The following SUPT20H variants were observed in gnomAD, a reference collection of about 807,000 sequenced individuals.
The protein encoded by SUPT20H is transcription factor SPT20 homolog.
SUPT20H carries 82 observed loss-of-function variants against 122.8 expected under a neutral mutation model. The ratio of observed to expected loss-of-function variants is 0.67; its 90% CI spans 0.56 to 0.80. The LOEUF (loss-of-function observed/expected upper bound fraction) is 0.80, where lower values mean the gene tolerates loss of function less well. Among genes scored for constraint, SUPT20H ranks in the 30% least tolerant of loss-of-function variants. The pLI is 0.00. For synonymous variants in SUPT20H, 291 were observed against 313.0 expected (o/e 0.93, Z 0.74); for missense variants, 831 against 921.6 (o/e 0.90, Z 1.27).
chr13:37,056,820 T>A (rs2139511604), intron 1 of SUPT20H: 1 of 152,118 alleles, frequency 6.6e-6, no homozygotes, highest in East Asian at 1.9e-4. Flanking sequence ...GGAGTTCTTA[T>A]CCTGGCTGCA....
At chr13:37,059,128 C>G (rs2070013454) in intron 1 of SUPT20H, 2 of 152,240 alleles carry the variant, frequency 1.3e-5, no homozygotes, top group South Asian at 4.1e-4. Flanking sequence ...GCTATCAATT[C>G]TACTGATTTC....
At chr13:37,026,557 T>C (rs1290830651) in intron 15 of SUPT20H, among the ~76,000 whole-genome samples, 3 of 152,118 alleles carry the variant, frequency 2.0e-5, no homozygotes, top group Non-Finnish European at 4.4e-5. Context: ...CTATTGATCC[T>C]AAAGCAAAAT....
chr13:37,048,437 T>G, intron 3 of SUPT20H, 127 bp downstream of exon 3: 3 of 662,044 alleles, frequency 4.5e-6, no homozygotes, highest in Non-Finnish European at 7.2e-6. Context: ...TACAGCAAAA[T>G]GATATGCATA....
chr13:37,024,154 T>A lies in SUPT20H; in HGVS notation c.1472A>T (p.Lys491Ile). 4.3e-6 allele frequency: 7 copies of A among 1,613,644 alleles called. No individual in the cohort carries two copies. The African/African-American group carries it at 8.0e-5, about 18-fold the overall frequency. Residue 491 changes from lysine (K) to isoleucine (I), a missense_variant, in exon 19 of 26, where the codon AAA (lysine) becomes ATA (isoleucine). Coordinates refer to ENST00000350612, the MANE Select transcript of SUPT20H (RefSeq NM_001014286.3). ...AGAAGAAGGAGGAGGAGTTGGAGAT[T>A]TGAGAAAGCTGCTTGTCTGTTGTGG... ...FTPQQTSSFLKSPTPPPSSKP... is the reference protein window; with the variant it reads ...FTPQQTSSFLISPTPPPSSKP...
chr13:37,012,332 A>C (rs576879154), intron 23 of SUPT20H, 35 bp from the exon 24 acceptor site: 1 of 1,552,592 alleles, frequency 6.4e-7, no homozygotes, highest in Admixed American at 1.8e-5. Context: ...TTGTACAAGA[A>C]AGAAAAACAA....
Position 37,051,526 on chromosome 13 carries a change from CTT to C in SUPT20H, c.-38_-37del. On this transcript the variant is annotated 5_prime_UTR_variant, in exon 2 of 26. The change creates a new upstream start codon in the 5' untranslated region. Coordinates refer to ENST00000350612, the MANE Select transcript of SUPT20H (RefSeq NM_001014286.3). The stretch of plus-strand genomic sequence containing the variant: ...AATAAGGGTCCAAAAGAAGAGATAA[CTT>C]ATGTACGCTGATGAAGTGGGGTGAA... 1.9e-6 allele frequency: 3 copies of C among 1,607,382 alleles called. No individual in the cohort carries two copies. Among genetic ancestry groups the C allele is most frequent in the Non-Finnish European group, 2.6e-6 (3 of 1,175,516 alleles).
chr13:37,034,709 T>C (rs1394866627), intron 9 of SUPT20H, among the ~76,000 whole-genome samples: 1 of 152,220 alleles, frequency 6.6e-6, no homozygotes, highest in African/African-American at 2.4e-5. Context: ...GACAGCCTTA[T>C]ATTAGAAGAA....
At chr13:37,041,517 CAA>C (rs1320349837) in intron 7 of SUPT20H, among the ~76,000 whole-genome samples, 29 of 85,344 alleles carry the variant, frequency 3.4e-4, no homozygotes, top group Admixed American at 7.8e-4. Context: ...GACTCCACCT[CAA>C]AAAAAAAAAA....
chr13:37,018,183 C>A (rs898925670), intron 22 of SUPT20H, among the ~76,000 whole-genome samples: 1 of 152,082 alleles, frequency 6.6e-6, no homozygotes, highest in African/African-American at 2.4e-5. Flanking sequence ...CACAGCTCAT[C>A]ATTAGGTAAA....
chr13:37,054,941 G>C (rs376793070), intron 1 of SUPT20H, among the ~76,000 whole-genome samples: 1 of 152,106 alleles, frequency 6.6e-6, no homozygotes, highest in Admixed American at 6.6e-5. Context: ...AAATCAATGT[G>C]CAAAAATCAC....
chr13:37,042,133 G>A (rs1352663242), intron 7 of SUPT20H, among the ~76,000 whole-genome samples: 1 of 152,196 alleles, frequency 6.6e-6, no homozygotes, highest in Non-Finnish European at 1.5e-5. Context: ...GTTTTGTTCA[G>A]AGCACTGGGC....
chr13:37,033,481 G>A lies in SUPT20H; in HGVS notation c.675C>T (p.Asn225=). The A allele has an allele frequency of 6.2e-7, 1 of 1,612,660 alleles. No individual in the cohort carries two copies. Among genetic ancestry groups the A allele is most frequent in the Non-Finnish European group, 8.5e-7 (1 of 1,179,414 alleles). The change falls in exon 10 of 26, where the codon AAC becomes AAT. Residue 225 remains asparagine (N), a synonymous_variant. Coordinates refer to ENST00000350612, the MANE Select transcript of SUPT20H (RefSeq NM_001014286.3). ...VTCTANRLLY[N]KQKMNTRPMK... ...TTGGGCGAGTGTTCATCTTTTGCTT[G>A]TTATAGAGCAGTCTGTTTGCAGTGC...
chr13:37,011,821 G>A (rs1397779804), intron 24 of SUPT20H, among the ~76,000 whole-genome samples: 1 of 152,166 alleles, frequency 6.6e-6, no homozygotes, highest in Admixed American at 6.5e-5. Context: ...TTACCAGAAC[G>A]AGACAAAAGA....
Position 37,048,584 on chromosome 13 carries a change from G to C in SUPT20H, c.19C>G (p.Leu7Val). The C allele has an allele frequency of 1.3e-6, 2 of 1,599,388 alleles. No individual in the cohort carries two copies. The highest frequency in any genetic ancestry group is 1.7e-6 in the Non-Finnish European group (2 of 1,173,830). MQQALE[L>V]ALDRAEYVIE... ...CTCACCTCTGCACGATCCAAAGCTA[G>C]TTCTAAAGCTTGTTGCTGTAAAAAG... is the stretch of plus-strand genomic sequence containing the variant. The change falls in exon 3 of 26, where the codon CTA becomes GTA. Residue 7 changes from leucine (L) to valine (V), a missense_variant. Coordinates refer to ENST00000350612, the MANE Select transcript of SUPT20H (RefSeq NM_001014286.3).
rs373831777 is a variant in SUPT20H, at chr13:37,044,314, T to A, written c.293-133A>T. On this transcript the variant is annotated intron_variant, in intron 6 of 25. Coordinates refer to ENST00000350612, the MANE Select transcript of SUPT20H (RefSeq NM_001014286.3). ...TCAACCAAGCAAGGATCAAAAAAAA[T>A]AAAAATAAAAAACAAAACCAAAAGG... 1.6e-5 allele frequency: 9 copies of A among 568,610 alleles called. No individual in the cohort carries two copies. The highest frequency in any genetic ancestry group is 2.0e-5 in the African/African-American group (1 of 49,700). 35.2% of individuals were successfully genotyped at this position (568,610 alleles called of 1,614,324 possible).
At chr13:37,023,932 T>C in intron 19 of SUPT20H, 103 bp downstream of exon 19, 2 of 1,242,314 alleles carry the variant, frequency 1.6e-6, no homozygotes, top group Non-Finnish European at 2.2e-6. Flanking sequence ...GGGTACACAG[T>C]ACATTCAGAT....
intron 6 of SUPT20H, 34 bp from the exon 7 acceptor site, chr13:37,044,215 T>C (rs747079072): frequency 1.3e-5 from 20 of 1,536,934 alleles, no homozygotes; most frequent in Non-Finnish European, 1.7e-5. Flanking sequence ...AAAATGATCA[T>C]GCTCACTGAA....
intron 9 of SUPT20H, chr13:37,040,066 A>G (rs2138581485): frequency 8.0e-6 from 1 of 125,192 alleles, no homozygotes; most frequent in Middle Eastern, 3.3e-3. Flanking sequence ...TAGGGTTTAG[A>G]AACTTGAATT....
Position 37,019,289 on chromosome 13 carries a change from GA to G in SUPT20H, c.1872+52del, listed in dbSNP as rs36064810. The G allele has an allele frequency of 2.0e-3, 2,808 of 1,399,310 alleles. 34 individuals carry two copies. The African/African-American group carries it at 0.036, about 18-fold the overall frequency. 86.7% of individuals were successfully genotyped at this position (1,399,310 alleles called of 1,614,324 possible). On this transcript the variant is annotated intron_variant, in intron 22 of 25. Coordinates refer to ENST00000350612, the MANE Select transcript of SUPT20H (RefSeq NM_001014286.3). The stretch of plus-strand genomic sequence containing the variant: ...GATACATATAGATATACATTGTTTA[GA>G]AAAAAAGTCAATGTACAAAAAATTT...
Sources: gnomAD v4.1 joint callset for allele counts (sites outside exome capture counted in the v4.1 genomes callset) on GRCh38, gnomAD v4.1.1 for gene constraint, MANE v1.5 for transcripts, NCBI Gene and HGNC (gene_info 2026-07-23, HGNC 2026-07-21) for gene names.